The following CLYBL variants were observed in gnomAD, a reference collection of about 807,000 sequenced individuals.
CLYBL encodes citramalyl-CoA lyase, mitochondrial.
Under a neutral mutation model 38.9 loss-of-function variants are expected in CLYBL, and 31 were observed. The observed-to-expected ratio is 0.80, with a 90% CI of 0.60 to 1.08. CLYBL has a LOEUF of 1.08. Among genes scored for constraint, CLYBL ranks in the 50% least tolerant of loss-of-function variants. CLYBL has a pLI of 0.00. For synonymous variants in CLYBL, 171 were observed against 158.6 expected, an observed-to-expected ratio of 1.08 and a Z score of -0.59; for missense variants, 434 against 411.6, an observed-to-expected ratio of 1.05 and a Z score of -0.47.
downstream of CLYBL, chr13:99,894,912 A>ATCCT: frequency 6.6e-6 from 1 of 152,104 alleles, no homozygotes. Flanking sequence ...CAAGTTAGGA[A>ATCCT]GTTTCTCGGC....
intron 1 of CLYBL, among the ~76,000 whole-genome samples, chr13:99,751,586 A>G (rs1194323302): frequency 1.3e-5 from 2 of 152,232 alleles, no homozygotes; most frequent in Non-Finnish European, 2.9e-5. Flanking sequence ...GTGTGATTCC[A>G]TCTATGTGAA....
chr13:99,701,977 A>AC (rs768403146), intron 1 of CLYBL, among the ~76,000 whole-genome samples: 6 of 151,896 alleles, frequency 4.0e-5, no homozygotes, highest in Non-Finnish European at 8.8e-5. Context: ...GTGAAGTGAT[A>AC]CCCCCTCTCC....
At chr13:99,884,967 T>C (rs912283) in intron 7 of CLYBL, 388,660 of 474,660 alleles carry the variant, frequency 0.82, 161,208 homozygotes, top group African/African-American at 0.93. Flanking sequence ...ACTTGTGTCC[T>C]TCTATTCAGG....
rs201600169 is a variant in CLYBL at position 99,673,603 on chromosome 13, G to C, written c.62+66846G>C. 9.8e-5 allele frequency among the ~76,000 whole-genome samples: 15 copies of C among 152,290 alleles called. No individual in the cohort carries two copies. The East Asian group carries it at 2.7e-3, about 27-fold the overall frequency. ...CTAGGTAGAGCAGCCCTGTGTGTCC[G>C]TGGTTAGCAGGGAGGGCTGTGGGCT... On this transcript the variant is annotated intron_variant, in intron 1 of 8. Coordinates refer to ENST00000339105, the MANE Select transcript of CLYBL (RefSeq NM_206808.5).
chr13:99,712,268 A>T (rs1376036744), intron 1 of CLYBL, among the ~76,000 whole-genome samples: 1 of 151,930 alleles, frequency 6.6e-6, no homozygotes, highest in Non-Finnish European at 1.5e-5. Context: ...CAGCTGAGCC[A>T]TACGGTACAC....
chr13:99,725,288 T>G (rs2048454375), intron 1 of CLYBL, among the ~76,000 whole-genome samples: 3 of 152,080 alleles, frequency 2.0e-5, no homozygotes, highest in Admixed American at 2.0e-4. Context: ...GGTAATACCG[T>G]GCGGTTTTTT....
At chr13:99,699,212 C>T (rs2048024292) in intron 1 of CLYBL, among the ~76,000 whole-genome samples, 4 of 152,052 alleles carry the variant, frequency 2.6e-5, no homozygotes, top group Middle Eastern at 3.4e-3. Context: ...ATGGAGAAAC[C>T]CCGTCTCTAT....
chr13:99,628,330 C>T (rs142285380), intron 1 of CLYBL, among the ~76,000 whole-genome samples: 145 of 152,298 alleles, frequency 9.5e-4, no homozygotes, highest in African/African-American at 3.3e-3. Context: ...TCCAGAGAGA[C>T]GACTTGATGA....
chr13:99,714,669 C>A (rs1445321933), intron 1 of CLYBL, among the ~76,000 whole-genome samples: 7 of 150,418 alleles, frequency 4.7e-5, no homozygotes. Flanking sequence ...ACTTAAGGAC[C>A]AGGAGCAGTG....
chr13:99,723,874 CAG>C (rs895619088), intron 1 of CLYBL, among the ~76,000 whole-genome samples: 4 of 152,160 alleles, frequency 2.6e-5, no homozygotes, highest in Non-Finnish European at 5.9e-5. Flanking sequence ...TTTTTTGTGA[CAG>C]ATGTACCAAC....
At position 99,866,338 on chromosome 13, in the gene CLYBL, T is replaced by TACATTGACTTTCGAGATG. The variant is rs758269944; in HGVS notation, c.734_751dup (p.Asp250_Gly251insAspIleAspPheArgAsp). 1.9e-6 allele frequency: 3 copies of TACATTGACTTTCGAGATG among 1,614,024 alleles called. No individual in the cohort carries two copies. The East Asian group carries it at 6.7e-5, about 36-fold the overall frequency. ...TGGTCTCCAAGCCATAGATCTGGTG[T>TACATTGACTTTCGAGATG]ACATTGACTTTCGAGATGGAGCTGG... On this transcript the variant is annotated inframe_insertion, in exon 6 of 9. Transcript: ENST00000339105.
chr13:99,874,675 A>C lies in CLYBL; in HGVS notation c.927+3613A>C, dbSNP rs575459222. ...CATATAGCATACATGTTTATACAAC[A>C]TATAAACATTCAAGTATGTATGATA... On this transcript the variant is annotated intron_variant, in intron 7 of 8. Coordinates refer to ENST00000339105, the MANE Select transcript of CLYBL (RefSeq NM_206808.5). 6.4e-4 allele frequency among the ~76,000 whole-genome samples: 97 copies of C among 152,304 alleles called. 1 individual carries two copies. The highest frequency in any genetic ancestry group is 3.7e-3 in the South Asian group (18 of 4,824).
chr13:99,889,250 T>C (rs1334866439), intron 7 of CLYBL, among the ~76,000 whole-genome samples: 1 of 152,246 alleles, frequency 6.6e-6, no homozygotes, highest in East Asian at 1.9e-4. Context: ...CCCCAGCCTA[T>C]TGTTTAAACC....
In CLYBL at chr13:99,636,829, C is replaced by G. The variant is rs75218220; in HGVS notation, c.62+30072C>G. Among the ~76,000 whole-genome samples, 23 of 152,152 alleles carry G rather than the reference C, an allele frequency of 1.5e-4. No individual in the cohort carries two copies. The East Asian group carries it at 4.3e-3, about 28-fold the overall frequency. On this transcript the variant is annotated intron_variant, in intron 1 of 8. Transcript: ENST00000339105. ...CCATGCCTTCACTCCATTATAGTCA[C>G]AGTGGCAAGATGGAGTATTAGCAAG...
At chr13:99,889,556 T>C (rs967079188) in intron 7 of CLYBL, among the ~76,000 whole-genome samples, 1 of 152,142 alleles carries the variant, frequency 6.6e-6, no homozygotes, top group African/African-American at 2.4e-5. Flanking sequence ...ACAAGAGGGC[T>C]GGGAAGTGAC....
At chr13:99,791,170 A>C (rs2761154) in intron 2 of CLYBL, among the ~76,000 whole-genome samples, 58,406 of 151,748 alleles carry the variant, frequency 0.38, 11,520 homozygotes, top group Middle Eastern at 0.5. Context: ...AACTCATTTA[A>C]ATTTCCCAGT....
intron 1 of CLYBL, among the ~76,000 whole-genome samples, chr13:99,643,778 C>T (rs1481487483): frequency 2.0e-5 from 3 of 152,056 alleles, no homozygotes; most frequent in Non-Finnish European, 4.4e-5. Context: ...GAGGCTGAGG[C>T]AGGTGGAGCA....
chr13:99,749,430 C>T (rs1373540671), intron 1 of CLYBL, among the ~76,000 whole-genome samples: 3 of 152,080 alleles, frequency 2.0e-5, no homozygotes, highest in Non-Finnish European at 4.4e-5. Context: ...CCAGGGTAGA[C>T]CAGGAGGGCC....
chr13:99,863,761 T>G (rs553356465), intron 4 of CLYBL, among the ~76,000 whole-genome samples: 1 of 152,218 alleles, frequency 6.6e-6, no homozygotes, highest in African/African-American at 2.4e-5. Context: ...TGCCTCTCAT[T>G]CCACCTGACC....
Sources: gnomAD v4.1 joint callset for allele counts (sites outside exome capture counted in the v4.1 genomes callset) on GRCh38, gnomAD v4.1.1 for gene constraint, MANE v1.5 for transcripts, NCBI Gene and HGNC (gene_info 2026-07-23, HGNC 2026-07-21) for gene names.